The following PTPRT variants were observed in gnomAD, a reference collection of about 807,000 sequenced individuals.
PTPRT encodes the protein receptor-type tyrosine-protein phosphatase T.
A neutral mutation model predicts 176.8 loss-of-function variants in PTPRT; 56 were observed. That is an observed-to-expected ratio of 0.32 (90% CI 0.26 to 0.40). PTPRT has a LOEUF of 0.40. Ranked by LOEUF, PTPRT falls within the 10% of genes least tolerant of loss-of-function variation. PTPRT has a pLI of 1.00. For synonymous variants in PTPRT, 783 were observed against 739.0 expected (o/e 1.06, Z -0.96); for missense variants, 1,540 against 1,908.2 (o/e 0.81, Z 3.60).
intron 2 of PTPRT, among the ~76,000 whole-genome samples, chr20:42,854,892 C>T (rs1019898144): frequency 6.6e-6 from 1 of 152,164 alleles, no homozygotes; most frequent in Non-Finnish European, 1.5e-5. Context: ...ATTAAGATCT[C>T]GAAATGAAAA....
rs1286967839 is a variant in PTPRT, at chr20:42,988,092, G to A, written c.89-102160C>T. On this transcript the variant is annotated intron_variant, in intron 1 of 30. Coordinates refer to ENST00000373187, the MANE Select transcript of PTPRT (RefSeq NM_007050.6). ...ACACACATCAGCCCTGGAACAACATGGGAGGGATTCTACAAGGAGGCAAGG... is the reference window on the plus strand; with the variant it reads ...ACACACATCAGCCCTGGAACAACATAGGAGGGATTCTACAAGGAGGCAAGG... Among the ~76,000 whole-genome samples, 4 of 152,296 alleles carry A rather than the reference G, an allele frequency of 2.6e-5. No individual in the cohort carries two copies. In the East Asian group the frequency reaches 7.7e-4, roughly 29 times the overall value.
Position 42,850,948 on chromosome 20 carries a change from A to C in PTPRT, c.214+34859T>G, listed in dbSNP as rs953926023. Among the ~76,000 whole-genome samples, 3 of 152,158 alleles carry C rather than the reference A, an allele frequency of 2.0e-5. No individual in the cohort carries two copies. In the South Asian group the frequency reaches 6.2e-4, roughly 32 times the overall value. On this transcript the variant is annotated intron_variant, in intron 2 of 30. Transcript: ENST00000373187. ...TACCCGGGTCTCACTCCCCACAGAC[A>C]TCTTCCATCTTTGGTCCTCATTAGG... is the stretch of plus-strand genomic sequence containing the variant.
chr20:42,305,692 G>A (rs541147092), intron 12 of PTPRT, among the ~76,000 whole-genome samples: 106 of 152,196 alleles, frequency 7.0e-4, no homozygotes, highest in Non-Finnish European at 1.2e-3. Context: ...GAGTTATCAC[G>A]CCTACCATTT....
chr20:42,215,769 C>T (rs958308119), intron 15 of PTPRT, among the ~76,000 whole-genome samples: 1 of 79,624 alleles, frequency 1.3e-5, no homozygotes, highest in African/African-American at 3.2e-5. Context: ...AGCTAGGAGA[C>T]TCCTTGCAGC....
intron 1 of PTPRT, among the ~76,000 whole-genome samples, chr20:42,960,386 T>C (rs573047435): frequency 7.1e-4 from 108 of 152,232 alleles, no homozygotes; most frequent in Non-Finnish European, 1.4e-3. Context: ...CTGGAGGACC[T>C]AACAAGCTCC....
At chr20:42,226,610 A>T (rs1410891618) in intron 15 of PTPRT, among the ~76,000 whole-genome samples, 2 of 152,216 alleles carry the variant, frequency 1.3e-5, no homozygotes, top group South Asian at 4.1e-4. Flanking sequence ...CAGTTTGTGC[A>T]TCTCAGGATC....
intron 1 of PTPRT, among the ~76,000 whole-genome samples, chr20:43,099,497 A>G (rs147871908): frequency 2.0e-5 from 3 of 152,312 alleles, no homozygotes; most frequent in Non-Finnish European, 2.9e-5. Flanking sequence ...TACTTCTTGC[A>G]GGTGTCAGAA....
At chr20:42,396,418 C>CTT (rs2058849950) in intron 9 of PTPRT, among the ~76,000 whole-genome samples, 1 of 152,142 alleles carries the variant, frequency 6.6e-6, no homozygotes, top group African/African-American at 2.4e-5. Flanking sequence ...CCTTGCCTTC[C>CTT]TTTAGCTTGT....
At chr20:42,980,664 T>A (rs1477947681) in intron 1 of PTPRT, among the ~76,000 whole-genome samples, 1 of 151,958 alleles carries the variant, frequency 6.6e-6, no homozygotes, top group Non-Finnish European at 1.5e-5. Context: ...GTCCTGGGGG[T>A]CAAATCTCAG....
At chr20:42,209,531 G>A (rs1257175743) in intron 15 of PTPRT, among the ~76,000 whole-genome samples, 1 of 152,140 alleles carries the variant, frequency 6.6e-6, no homozygotes, top group Admixed American at 6.6e-5. Context: ...CTACGCAAAT[G>A]AACTAGAAAA....
chr20:43,032,853 A>T (rs1444750756), intron 1 of PTPRT, among the ~76,000 whole-genome samples: 2 of 152,232 alleles, frequency 1.3e-5, no homozygotes, highest in Non-Finnish European at 2.9e-5. Flanking sequence ...CAGCAGCTAG[A>T]TGTCCAGCTC....
intron 1 of PTPRT, among the ~76,000 whole-genome samples, chr20:43,109,837 C>T (rs569693957): frequency 6.6e-6 from 1 of 152,154 alleles, no homozygotes; most frequent in South Asian, 2.1e-4. Flanking sequence ...GTGCAAAGGT[C>T]CTGGGGCCAA....
intron 9 of PTPRT, among the ~76,000 whole-genome samples, chr20:42,389,299 G>T (rs2058776726): frequency 6.6e-6 from 1 of 152,084 alleles, no homozygotes; most frequent in African/African-American, 2.4e-5. Context: ...GTGATATAGG[G>T]TCTTATCTGA....
rs552251773 is a variant in PTPRT at position 42,202,877 on chromosome 20, T to C, written c.2343-3489A>G. On this transcript the variant is annotated intron_variant, in intron 15 of 30. Coordinates refer to ENST00000373187, the MANE Select transcript of PTPRT (RefSeq NM_007050.6). ...TCATTGGTTTTCAAAGGAATCATAA[T>C]AATAATGAAAGCCTTGCTGCTTTTA... Among the ~76,000 whole-genome samples the C allele has an allele frequency of 4.6e-5, 7 of 152,302 alleles. No individual in the cohort carries two copies. In the South Asian group the frequency reaches 1.5e-3, roughly 32 times the overall value.
chr20:42,084,455 T>C (rs1159834702), intron 29 of PTPRT, among the ~76,000 whole-genome samples: 1 of 152,174 alleles, frequency 6.6e-6, no homozygotes, highest in African/African-American at 2.4e-5. Flanking sequence ...GACCACTAGG[T>C]TTTGCATCAA....
At chr20:43,009,980 A>G (rs548845391) in intron 1 of PTPRT, among the ~76,000 whole-genome samples, 1 of 152,108 alleles carries the variant, frequency 6.6e-6, no homozygotes, top group East Asian at 1.9e-4. Flanking sequence ...GGCCAAACTC[A>G]TCATCTTTCC....
In PTPRT at chr20:42,118,349, T is replaced by G. The variant is rs887558228; in HGVS notation, c.2982+54A>C. ...GCACGATGCATGGAACAAAGAGATGTTCGAGAGTGCATCTCCAGCATCCTC... is the reference window on the plus strand; with the variant it reads ...GCACGATGCATGGAACAAAGAGATGGTCGAGAGTGCATCTCCAGCATCCTC... On this transcript the variant is annotated intron_variant, in intron 21 of 30. Transcript: ENST00000373187. 4.8e-6 allele frequency: 7 copies of G among 1,465,480 alleles called. No individual in the cohort carries two copies. In the Admixed American group the frequency reaches 1.1e-4, roughly 24 times the overall value. The allele number at this position is 1,465,480 out of a possible 1,614,324, so 90.8% of individuals were successfully genotyped here.
At chr20:42,428,477 A>G (rs2059186507) in intron 9 of PTPRT, among the ~76,000 whole-genome samples, 1 of 152,168 alleles carries the variant, frequency 6.6e-6, no homozygotes, top group Non-Finnish European at 1.5e-5. Context: ...TTGACTTGGT[A>G]TGGGAAACTT....
chr20:43,103,512 A>G (rs2012474902), intron 1 of PTPRT, among the ~76,000 whole-genome samples: 1 of 152,064 alleles, frequency 6.6e-6, no homozygotes. Context: ...CAGCCATGAT[A>G]AGGGATTACC....
Sources: allele counts gnomAD v4.1 joint callset (sites outside exome capture counted in the v4.1 genomes callset), GRCh38; gene constraint gnomAD v4.1.1; transcripts MANE v1.5; gene names NCBI Gene and HGNC (gene_info 2026-07-23, HGNC 2026-07-21).